Variants in ST7 observed in about 807,000 individuals in gnomAD.
The protein encoded by ST7 is suppressor of tumorigenicity 7 protein.
Under a neutral mutation model 78.7 loss-of-function variants are expected in ST7, and 28 were observed. The observed-to-expected ratio is 0.36, with a 90% CI of 0.26 to 0.49. The LOEUF (loss-of-function observed/expected upper bound fraction) is 0.49. ST7 is among the 20% of genes least tolerant of loss of function. The probability of loss-of-function intolerance (pLI) is 0.99; values close to 1 mark genes in which losing one functional copy is unlikely to be tolerated. For synonymous variants in ST7, 247 were observed against 249.6 expected (o/e 0.99, Z 0.10); for missense variants, 418 against 696.0 (o/e 0.60, Z 4.49).
intron 1 of ST7, among the ~76,000 whole-genome samples, chr7:117,053,627 G>A (rs751203015): frequency 2.4e-4 from 36 of 152,126 alleles, no homozygotes; most frequent in Non-Finnish European, 4.9e-4. Context: ...CCTCCTTCTG[G>A]CCACCCTTCA....
At chr7:116,956,430 G>A (rs1189961444) in intron 1 of ST7, 1 of 470,446 alleles carries the variant, frequency 2.1e-6, no homozygotes, top group South Asian at 1.6e-5. Context: ...CAGCCCTGTG[G>A]TGCTTACTCT....
chr7:117,021,642 G>A (rs1217997235), intron 1 of ST7, among the ~76,000 whole-genome samples: 1 of 152,176 alleles, frequency 6.6e-6, no homozygotes, highest in Non-Finnish European at 1.5e-5. Flanking sequence ...CAGAATAGTA[G>A]CATTTCGAGA....
intron 1 of ST7, among the ~76,000 whole-genome samples, chr7:116,992,338 C>T (rs1040105834): frequency 7.2e-5 from 11 of 152,348 alleles, no homozygotes; most frequent in South Asian, 2.1e-4. Context: ...CATCTCCATA[C>T]GTCTTCTGAA....
At chr7:117,215,978 T>G (rs1404272012) in intron 13 of ST7, among the ~76,000 whole-genome samples, 1 of 152,050 alleles carries the variant, frequency 6.6e-6, no homozygotes, top group Non-Finnish European at 1.5e-5. Context: ...CTTGCCTATC[T>G]AGTAGGTAGA....
chr7:117,182,212 A>G (rs781064439), intron 10 of ST7, among the ~76,000 whole-genome samples: 23 of 152,210 alleles, frequency 1.5e-4, no homozygotes, highest in Non-Finnish European at 2.4e-4. Flanking sequence ...TTCCCCATCT[A>G]TAAAACAGGG....
intron 10 of ST7, among the ~76,000 whole-genome samples, chr7:117,171,869 A>G (rs1808016213): frequency 6.6e-6 from 1 of 151,948 alleles, no homozygotes; most frequent in African/African-American, 2.4e-5. Context: ...TTTAGTAAGC[A>G]TCTTCAGTGC....
At chr7:117,046,810 G>A (rs1051530344) in intron 1 of ST7, among the ~76,000 whole-genome samples, 4 of 152,092 alleles carry the variant, frequency 2.6e-5, no homozygotes, top group Non-Finnish European at 5.9e-5. Context: ...TAGATGAGGC[G>A]CTCATTCATG....
intron 1 of ST7, chr7:116,972,225 T>G: frequency 1.9e-6 from 1 of 534,830 alleles, no homozygotes; most frequent in Non-Finnish European, 3.6e-6. Flanking sequence ...AGAGGCGCTG[T>G]CCTTTGGTGC....
At chr7:117,092,871 A>G (rs1260876835) in intron 1 of ST7, among the ~76,000 whole-genome samples, 2 of 152,192 alleles carry the variant, frequency 1.3e-5, no homozygotes, top group Non-Finnish European at 2.9e-5. Flanking sequence ...CCTGGAAGGT[A>G]CTGTGGCCTT....
At chr7:117,227,057 C>T (rs1452040372) in intron 15 of ST7, among the ~76,000 whole-genome samples, 1 of 152,166 alleles carries the variant, frequency 6.6e-6, no homozygotes, top group Non-Finnish European at 1.5e-5. Context: ...CACTTTTGTG[C>T]TTTTTATCCA....
intron 1 of ST7, chr7:116,959,442 G>A (rs1443815992): frequency 3.0e-6 from 1 of 330,526 alleles, no homozygotes; most frequent in African/African-American, 2.2e-5. Flanking sequence ...CTAGATTCTA[G>A]TTCTTCATCT....
chr7:117,144,648 A>AAAC (rs1206187559), intron 9 of ST7, among the ~76,000 whole-genome samples: 1 of 151,568 alleles, frequency 6.6e-6, no homozygotes, highest in African/African-American at 2.4e-5. Flanking sequence ...AAAAAAAAAA[A>AAAC]ACCAAAATTC....
intron 15 of ST7, among the ~76,000 whole-genome samples, chr7:117,224,933 C>T (rs966772656): frequency 1.3e-5 from 2 of 152,160 alleles, no homozygotes; most frequent in African/African-American, 4.8e-5. Context: ...TTGGAATCAT[C>T]GAAAAACTTA....
intron 1 of ST7, among the ~76,000 whole-genome samples, chr7:117,012,053 G>A (rs1795407474): frequency 6.6e-6 from 1 of 152,186 alleles, no homozygotes; most frequent in Admixed American, 6.5e-5. Flanking sequence ...TCCTTTTATG[G>A]TTGTAGCTTT....
At chr7:117,165,987 T>C (rs1293737589) in intron 9 of ST7, among the ~76,000 whole-genome samples, 1 of 152,152 alleles carries the variant, frequency 6.6e-6, no homozygotes, top group African/African-American at 2.4e-5. Flanking sequence ...ATGCTAAGCA[T>C]TTTAGATTAT....
rs1343400268 is a variant in ST7, at chr7:117,179,802, C to T, written c.1078+8826C>T. 2.0e-5 allele frequency among the ~76,000 whole-genome samples: 3 copies of T among 151,864 alleles called. No homozygotes were observed. The East Asian group carries it at 5.8e-4, about 30-fold the overall frequency. Reference sequence around the variant, plus strand: ...TTTCAGGTAGGGCTTCAGTCGAGCCCAGAGTGAAGGGGGTGGCACAATACA... The same window carrying T: ...TTTCAGGTAGGGCTTCAGTCGAGCCTAGAGTGAAGGGGGTGGCACAATACA... On this transcript the variant is annotated intron_variant, in intron 10 of 15. Coordinates refer to ENST00000323984, the MANE Select transcript of ST7 (RefSeq NM_001369598.1).
chr7:117,221,633 T>G (rs866389865), intron 14 of ST7, among the ~76,000 whole-genome samples: 1 of 152,134 alleles, frequency 6.6e-6, no homozygotes, highest in Non-Finnish European at 1.5e-5. Flanking sequence ...TACTATACAT[T>G]AGGCATAGGC....
intron 1 of ST7, among the ~76,000 whole-genome samples, chr7:117,030,490 A>G (rs1447991211): frequency 6.6e-6 from 1 of 152,212 alleles, no homozygotes; most frequent in African/African-American, 2.4e-5. Flanking sequence ...GTTTATACAT[A>G]CAGGCAAAAA....
At chr7:117,042,594 G>A (rs546018374) in intron 1 of ST7, among the ~76,000 whole-genome samples, 39 of 152,224 alleles carry the variant, frequency 2.6e-4, no homozygotes, top group Non-Finnish European at 4.7e-4. Context: ...AAACACGGTG[G>A]CATGATTGCC....
Sources: allele counts gnomAD v4.1 joint callset (sites outside exome capture counted in the v4.1 genomes callset), GRCh38; gene constraint gnomAD v4.1.1; transcripts MANE v1.5; gene names NCBI Gene and HGNC (gene_info 2026-07-23, HGNC 2026-07-21).